HUNK: variants seen among roughly 807,000 people sequenced by gnomAD.
HUNK encodes the protein hormonally up-regulated Neu-associated kinase, also known as hormonally up-regulated neu tumor-associated kinase.
Under a neutral mutation model 61.0 loss-of-function variants are expected in HUNK, and 21 were observed. The ratio of observed to expected loss-of-function variants is 0.34; its 90% CI spans 0.24 to 0.50. The LOEUF (loss-of-function observed/expected upper bound fraction) is 0.50. Ranked by LOEUF, HUNK falls within the 20% of genes least tolerant of loss-of-function variation. HUNK has a pLI of 0.98. For synonymous variants in HUNK, 371 were observed against 386.1 expected (o/e 0.96, Z 0.46); for missense variants, 772 against 945.7 (o/e 0.82, Z 2.41).
chr21:31,914,895 ACG>A (rs2052571474), intron 1 of HUNK, among the ~76,000 whole-genome samples: 1 of 152,144 alleles, frequency 6.6e-6, no homozygotes, highest in Non-Finnish European at 1.5e-5. Context: ...GCTTCAACAT[ACG>A]CAATTCAGTC....
chr21:31,903,863 T>A (rs1254729961), intron 1 of HUNK, among the ~76,000 whole-genome samples: 8 of 152,264 alleles, frequency 5.3e-5, no homozygotes, highest in Non-Finnish European at 1.0e-4. Flanking sequence ...TCAGGTTGTA[T>A]CTAATGGGAT....
chr21:31,995,168 A>G (rs2053195783), intron 9 of HUNK, among the ~76,000 whole-genome samples: 1 of 151,738 alleles, frequency 6.6e-6, no homozygotes, highest in South Asian at 2.1e-4. Flanking sequence ...CAAAAAAAAA[A>G]AAAAAAAAAA....
intron 5 of HUNK, 130 bp from the exon 6 acceptor site, chr21:31,968,120 A>G: frequency 1.8e-6 from 2 of 1,090,222 alleles, no homozygotes; most frequent in East Asian, 2.4e-5. Flanking sequence ...CCAGAGACCT[A>G]GAGAAGAGAT....
chr21:31,964,479 A>G (rs1445780457), intron 5 of HUNK, among the ~76,000 whole-genome samples: 2 of 152,124 alleles, frequency 1.3e-5, no homozygotes. Context: ...GCGATGGAGG[A>G]AGGTGTTCTG....
chr21:31,913,709 C>T (rs750263157), intron 1 of HUNK, among the ~76,000 whole-genome samples: 11 of 151,570 alleles, frequency 7.3e-5, no homozygotes, highest in South Asian at 2.1e-4. Flanking sequence ...CAGTCATGAG[C>T]GTGCTGGAAG....
Position 31,981,169 on chromosome 21 carries a change from G to C in HUNK, c.1174-2357G>C, listed in dbSNP as rs2053095147. Among the ~76,000 whole-genome samples the C allele has an allele frequency of 2.0e-5, 3 of 152,302 alleles. No individual in the cohort carries two copies. The South Asian group carries it at 6.2e-4, about 32-fold the overall frequency. ...TGTCAAAAAGTAATTGACCGTAAGT[G>C]CATGGATTCATTTTTGGACTCTCTT... On this transcript the variant is annotated intron_variant, in intron 7 of 10. Transcript: ENST00000270112.
At chr21:31,888,596 C>A (rs1431754484) in intron 1 of HUNK, among the ~76,000 whole-genome samples, 1 of 151,994 alleles carries the variant, frequency 6.6e-6, no homozygotes, top group African/African-American at 2.4e-5. Context: ...ATTAGCCAGG[C>A]GTGCATGGTG....
At chr21:31,884,867 C>T (rs1045782044) in intron 1 of HUNK, among the ~76,000 whole-genome samples, 13 of 151,946 alleles carry the variant, frequency 8.6e-5, no homozygotes, top group Non-Finnish European at 1.8e-4. Flanking sequence ...CAACCTCTGC[C>T]TTCTGGGTCA....
intron 9 of HUNK, among the ~76,000 whole-genome samples, chr21:31,990,551 T>G (rs939053654): frequency 6.6e-5 from 10 of 151,812 alleles, no homozygotes; most frequent in Non-Finnish European, 1.5e-5. Context: ...ATTTATTTAT[T>G]TATTTATTGA....
At chr21:31,960,118 G>T (rs1049829477) in intron 5 of HUNK, among the ~76,000 whole-genome samples, 2 of 152,200 alleles carry the variant, frequency 1.3e-5, no homozygotes, top group African/African-American at 4.8e-5. Context: ...AGCACTCTGA[G>T]GTGTGCCCAT....
At chr21:31,942,772 G>GC (rs1568930787) in intron 3 of HUNK, among the ~76,000 whole-genome samples, 1 of 152,166 alleles carries the variant, frequency 6.6e-6, no homozygotes, top group Admixed American at 6.5e-5. Flanking sequence ...TAGAAAGCAG[G>GC]CAGTGACCAT....
At chr21:31,898,841 T>G (rs1220504442) in intron 1 of HUNK, among the ~76,000 whole-genome samples, 1 of 152,208 alleles carries the variant, frequency 6.6e-6, no homozygotes, top group African/African-American at 2.4e-5. Context: ...GCTAGAAGAC[T>G]GATATGAAAG....
intron 1 of HUNK, among the ~76,000 whole-genome samples, chr21:31,892,439 G>A (rs926008268): frequency 4.6e-5 from 7 of 151,264 alleles, no homozygotes; most frequent in South Asian, 2.1e-4. Flanking sequence ...GCCTGGTGGC[G>A]CATGCCTGTA....
At chr21:31,938,831 G>C (rs1171911317) in intron 2 of HUNK, among the ~76,000 whole-genome samples, 1 of 152,198 alleles carries the variant, frequency 6.6e-6, no homozygotes, top group Non-Finnish European at 1.5e-5. Flanking sequence ...GCATTGGCAG[G>C]CTACAATTTA....
At chr21:31,950,252 C>G (rs1248575242) in intron 4 of HUNK, among the ~76,000 whole-genome samples, 2 of 151,954 alleles carry the variant, frequency 1.3e-5, no homozygotes, top group Non-Finnish European at 2.9e-5. Context: ...AAGCCAGATC[C>G]TAAGAATGAG....
chr21:31,941,798 T>C (rs1248158923), intron 3 of HUNK, among the ~76,000 whole-genome samples: 1 of 152,140 alleles, frequency 6.6e-6, no homozygotes, highest in African/African-American at 2.4e-5. Context: ...AAGGAGTTTT[T>C]TGTTTTAGGT....
At chr21:31,940,685 G>A (rs2052763114) in intron 3 of HUNK, among the ~76,000 whole-genome samples, 1 of 152,114 alleles carries the variant, frequency 6.6e-6, no homozygotes, top group African/African-American at 2.4e-5. Context: ...TTAGAAGTCT[G>A]AACCAATCAG....
chr21:31,896,804 T>G (rs1031912510), intron 1 of HUNK, among the ~76,000 whole-genome samples: 4 of 152,254 alleles, frequency 2.6e-5, no homozygotes, highest in Non-Finnish European at 5.9e-5. Context: ...ATGATTTGTG[T>G]GAACCCAAAA....
intron 2 of HUNK, among the ~76,000 whole-genome samples, chr21:31,938,552 G>A (rs1352238854): frequency 6.6e-6 from 1 of 152,146 alleles, no homozygotes; most frequent in African/African-American, 2.4e-5. Context: ...GCTCCTTTTT[G>A]TTTCAGACAT....
Sources: allele counts gnomAD v4.1 joint callset (sites outside exome capture counted in the v4.1 genomes callset), GRCh38; gene constraint gnomAD v4.1.1; transcripts MANE v1.5; gene names NCBI Gene and HGNC (gene_info 2026-07-23, HGNC 2026-07-21).